The following KIAA1549 variants were observed in gnomAD, a reference collection of about 807,000 sequenced individuals.
KIAA1549 encodes the protein KIAA1549.
KIAA1549 carries 70 observed loss-of-function variants against 156.4 expected under a neutral mutation model. The observed-to-expected ratio is 0.45, with a 90% CI of 0.37 to 0.55. The LOEUF is 0.55. KIAA1549 is among the 20% of genes least tolerant of loss of function. The pLI, the probability that KIAA1549 is intolerant of heterozygous loss-of-function variation, is 0.00. For synonymous variants in KIAA1549, 1,103 were observed against 1,066.4 expected, an observed-to-expected ratio of 1.03 and a Z score of -0.67; for missense variants, 2,428 against 2,540.9, an observed-to-expected ratio of 0.96 and a Z score of 0.96.
intron 17 of KIAA1549, 31 bp from the exon 18 acceptor site, chr7:138,844,505 C>T (rs1269101632): frequency 1.3e-6 from 2 of 1,495,696 alleles, no homozygotes; most frequent in Non-Finnish European, 1.8e-6. Flanking sequence ...CACATCAGGA[C>T]TCCACTGCAC....
At chr7:138,910,461 G>A (rs900075189) in intron 4 of KIAA1549, among the ~76,000 whole-genome samples, 24 of 147,626 alleles carry the variant, frequency 1.6e-4, no homozygotes, top group African/African-American at 6.0e-4. Context: ...GCAGTGGCAC[G>A]ATCTCGTCTC....
At chr7:138,915,733 T>C (rs532124997) in intron 2 of KIAA1549, among the ~76,000 whole-genome samples, 1 of 152,082 alleles carries the variant, frequency 6.6e-6, no homozygotes, top group African/African-American at 2.4e-5. Context: ...CCTTTTTCAT[T>C]TCTGTCCTCC....
Position 138,933,589 on chromosome 7 carries a change from T to C in KIAA1549, c.188-14151A>G, listed in dbSNP as rs1236780967. Among the ~76,000 whole-genome samples, 6 of 152,346 alleles carry C rather than the reference T, an allele frequency of 3.9e-5. No homozygotes were observed. In the East Asian group the frequency reaches 9.6e-4, roughly 24 times the overall value. ...AATTGTGGTAACCCCACTATGATCA[T>C]GTAAGATGTTATTATTAGGGGAAGC... On this transcript the variant is annotated intron_variant, in intron 1 of 19. Transcript: ENST00000422774.
At chr7:138,883,543 C>G (rs1811310284) in intron 10 of KIAA1549, among the ~76,000 whole-genome samples, 1 of 152,010 alleles carries the variant, frequency 6.6e-6, no homozygotes, top group African/African-American at 2.4e-5. Flanking sequence ...TCTCAAACTC[C>G]TGGTCTCCAG....
At chr7:138,926,102 G>C (rs1312146763) in intron 1 of KIAA1549, among the ~76,000 whole-genome samples, 1 of 152,008 alleles carries the variant, frequency 6.6e-6, no homozygotes, top group Non-Finnish European at 1.5e-5. Context: ...CATTACTTTT[G>C]CTTCTTTGCT....
At chr7:138,904,621 CAAAAAAAAA>C (rs768150554) in intron 7 of KIAA1549, among the ~76,000 whole-genome samples, 19 of 45,746 alleles carry the variant, frequency 4.2e-4, no homozygotes, top group African/African-American at 1.2e-3. Context: ...TCCCCTAAGA[CAAAAAAAAA>C]AAAAAAAAAA....
rs7809804 is a variant in KIAA1549 at position 138,867,665 on chromosome 7, C to T, written c.4929+310G>A. ...TCTCTCTCTGTTTTCCAGTTAACCT[C>T]GAAAAAAGTCCCACTGTGAAGTCTG... On this transcript the variant is annotated intron_variant, in intron 15 of 19. Transcript: ENST00000422774. 4.4e-3 allele frequency among the ~76,000 whole-genome samples: 672 copies of T among 152,246 alleles called. 5 individuals carry two copies. Among genetic ancestry groups the T allele is most frequent in the African/African-American group, 0.016 (646 of 41,534 alleles).
chr7:138,940,681 G>T (rs1167937051), intron 1 of KIAA1549, among the ~76,000 whole-genome samples: 4 of 152,066 alleles, frequency 2.6e-5, no homozygotes, highest in Admixed American at 6.5e-5. Context: ...CACCTGTTGT[G>T]TCCTGACTTT....
chr7:138,924,933 C>A (rs1812670580), intron 1 of KIAA1549, among the ~76,000 whole-genome samples: 1 of 152,182 alleles, frequency 6.6e-6, no homozygotes, highest in African/African-American at 2.4e-5. Context: ...GACTGTGACA[C>A]CCGCCTGAAT....
intron 1 of KIAA1549, among the ~76,000 whole-genome samples, chr7:138,936,844 T>C (rs1813025168): frequency 6.6e-6 from 1 of 150,440 alleles, no homozygotes; most frequent in African/African-American, 2.4e-5. Flanking sequence ...TTCCTAGCCA[T>C]GGTAATCAGT....
intron 7 of KIAA1549, 51 bp downstream of exon 7, chr7:138,904,971 A>G: frequency 1.7e-6 from 2 of 1,162,174 alleles, no homozygotes; most frequent in Admixed American, 4.1e-5. Context: ...ATACGCCTGC[A>G]TAGACTTCTT....
At chr7:138,946,430 A>G (rs1813339099) in intron 1 of KIAA1549, among the ~76,000 whole-genome samples, 1 of 152,116 alleles carries the variant, frequency 6.6e-6, no homozygotes, top group African/African-American at 2.4e-5. Flanking sequence ...TCGCTTGGCT[A>G]TGGGGAGAGG....
Position 138,913,545 on chromosome 7 carries a change from T to C in KIAA1549, c.2879-1085A>G, listed in dbSNP as rs138015426. Among the ~76,000 whole-genome samples, 430 of 152,314 alleles carry C rather than the reference T, an allele frequency of 2.8e-3. 3 individuals carry two copies. Among genetic ancestry groups the C allele is most frequent in the African/African-American group, 1.0e-2 (415 of 41,574 alleles). ...AATTAGAATACACTTGATATTATCA[T>C]TGTTTTCCATTTCCTGATTTTAATT... On this transcript the variant is annotated intron_variant, in intron 2 of 19. Coordinates refer to ENST00000422774, the MANE Select transcript of KIAA1549 (RefSeq NM_001164665.2).
intron 16 of KIAA1549, among the ~76,000 whole-genome samples, chr7:138,858,353 C>T (rs1584707874): frequency 6.6e-6 from 1 of 152,300 alleles, no homozygotes; most frequent in South Asian, 2.1e-4. Context: ...GCCTCAGCCT[C>T]CCAAGGTGCT....
intron 7 of KIAA1549, 122 bp downstream of exon 7, chr7:138,904,900 C>T: frequency 1.6e-6 from 1 of 622,304 alleles, no homozygotes; most frequent in Non-Finnish European, 2.8e-6. Context: ...CATTCTTTGC[C>T]AAGAATGTAA....
At chr7:138,943,845 T>A (rs183124207) in intron 1 of KIAA1549, among the ~76,000 whole-genome samples, 1 of 148,646 alleles carries the variant, frequency 6.7e-6, no homozygotes, top group East Asian at 1.9e-4. Flanking sequence ...TGAGACTCCA[T>A]CTCAGAAAAA....
chr7:138,941,281 A>C (rs1813176895), intron 1 of KIAA1549, among the ~76,000 whole-genome samples: 1 of 152,206 alleles, frequency 6.6e-6, no homozygotes, highest in Admixed American at 6.5e-5. Flanking sequence ...CTGTGAATAT[A>C]TTAAAGTCCC....
At chr7:138,957,773 C>T (rs1489683019) in intron 1 of KIAA1549, among the ~76,000 whole-genome samples, 2 of 152,120 alleles carry the variant, frequency 1.3e-5, no homozygotes. Flanking sequence ...ACACTGCACC[C>T]AGTCAACTTT....
intron 2 of KIAA1549, among the ~76,000 whole-genome samples, chr7:138,914,311 A>G (rs1368527356): frequency 6.6e-6 from 1 of 152,216 alleles, no homozygotes; most frequent in Non-Finnish European, 1.5e-5. Flanking sequence ...GATCATCAGC[A>G]AACAAATATC....
Sources: allele counts gnomAD v4.1 joint callset (sites outside exome capture counted in the v4.1 genomes callset), GRCh38; gene constraint gnomAD v4.1.1; transcripts MANE v1.5; gene names NCBI Gene and HGNC (gene_info 2026-07-23, HGNC 2026-07-21).